ROBO2: variants seen among roughly 807,000 people sequenced by gnomAD.
ROBO2 encodes roundabout guidance receptor 2.
ROBO2 carries 53 observed loss-of-function variants against 160.8 expected under a neutral mutation model. The ratio of observed to expected loss-of-function variants is 0.33; its 90% CI spans 0.26 to 0.41. The LOEUF is 0.41. Among genes scored for constraint, ROBO2 ranks in the 10% least tolerant of loss-of-function variants. The pLI is 1.00. For synonymous variants in ROBO2, 664 were observed against 611.7 expected, an observed-to-expected ratio of 1.09 and a Z score of -1.26; for missense variants, 1,577 against 1,722.4, an observed-to-expected ratio of 0.92 and a Z score of 1.49.
chr3:75,924,834 G>C (rs892812318), intron 1 of ROBO2, among the ~76,000 whole-genome samples: 1 of 151,098 alleles, frequency 6.6e-6, no homozygotes, highest in Non-Finnish European at 1.5e-5. Flanking sequence ...GACTACAGGC[G>C]CCTGCCACCA....
intron 1 of ROBO2, among the ~76,000 whole-genome samples, chr3:77,083,018 G>T (rs1403490430): frequency 6.6e-6 from 1 of 151,994 alleles, no homozygotes. Flanking sequence ...TTTCAATATG[G>T]GCAGTTTAGA....
At chr3:76,604,444 A>G (rs1244202202) in intron 2 of ROBO2, among the ~76,000 whole-genome samples, 2 of 152,166 alleles carry the variant, frequency 1.3e-5, no homozygotes, top group African/African-American at 4.8e-5. Flanking sequence ...AGAATAAGGC[A>G]TCATAAATTT....
chr3:76,962,454 C>G (rs2079738704), intron 2 of ROBO2, among the ~76,000 whole-genome samples: 1 of 151,830 alleles, frequency 6.6e-6, no homozygotes, highest in South Asian at 2.1e-4. Context: ...GCCTGACCAA[C>G]ATGGAGAAAG....
At position 77,389,041 on chromosome 3, in the gene ROBO2, T is replaced by C. The variant is rs149509001; in HGVS notation, c.389-88373T>C. On this transcript the variant is annotated intron_variant, in intron 2 of 25. Transcript: ENST00000461745. ...CTCACCTCAACCTTCACTTACTGGGTTCAAGCGATTCTCCTGCCTCAGCCT... is the reference window on the plus strand; with the variant it reads ...CTCACCTCAACCTTCACTTACTGGGCTCAAGCGATTCTCCTGCCTCAGCCT... 3.0e-4 allele frequency among the ~76,000 whole-genome samples: 46 copies of C among 152,248 alleles called. No individual in the cohort carries two copies. In the East Asian group the frequency reaches 8.5e-3, roughly 28 times the overall value.
At chr3:77,166,858 C>G (rs966733893) in intron 2 of ROBO2, among the ~76,000 whole-genome samples, 1 of 152,166 alleles carries the variant, frequency 6.6e-6, no homozygotes, top group South Asian at 2.1e-4. Context: ...CGCGCCCGGC[C>G]GACACAGAGG....
At chr3:77,433,990 G>A (rs2079046311) in intron 2 of ROBO2, among the ~76,000 whole-genome samples, 1 of 152,088 alleles carries the variant, frequency 6.6e-6, no homozygotes, top group South Asian at 2.1e-4. Flanking sequence ...CTCCCTCGGA[G>A]TAGGAAACAG....
At chr3:76,402,057 A>G (rs2108763722) in intron 2 of ROBO2, among the ~76,000 whole-genome samples, 1 of 151,756 alleles carries the variant, frequency 6.6e-6, no homozygotes, top group East Asian at 1.9e-4. Flanking sequence ...TCTGAAAGAC[A>G]GAAAATGCTG....
chr3:76,436,767 A>G (rs1375803088), intron 2 of ROBO2, among the ~76,000 whole-genome samples: 1 of 152,192 alleles, frequency 6.6e-6, no homozygotes, highest in Non-Finnish European at 1.5e-5. Flanking sequence ...ATCATTCATG[A>G]AAGTGTCCCG....
chr3:76,401,822 T>G (rs1190650346), intron 2 of ROBO2, among the ~76,000 whole-genome samples: 1 of 151,498 alleles, frequency 6.6e-6, no homozygotes, highest in Non-Finnish European at 1.5e-5. Flanking sequence ...TCCTAAGGTA[T>G]CAGAACAAGC....
intron 2 of ROBO2, among the ~76,000 whole-genome samples, chr3:76,855,000 T>C (rs1248473782): frequency 6.6e-6 from 1 of 152,142 alleles, no homozygotes; most frequent in Non-Finnish European, 1.5e-5. Flanking sequence ...ATAAAATTGC[T>C]GAACTTCTCC....
intron 2 of ROBO2, among the ~76,000 whole-genome samples, chr3:76,190,823 T>A (rs2107175439): frequency 6.6e-6 from 1 of 152,238 alleles, no homozygotes; most frequent in Admixed American, 6.6e-5. Context: ...TATACCGAAT[T>A]TCATTCAAAT....
chr3:76,795,269 C>T (rs568387268), intron 2 of ROBO2, among the ~76,000 whole-genome samples: 1 of 152,086 alleles, frequency 6.6e-6, no homozygotes, highest in South Asian at 2.1e-4. Flanking sequence ...TAATATTAGT[C>T]CCAATGAAGC....
At chr3:77,039,934 C>T (rs1354004367) in exon 1 of ROBO2, 3 of 211,206 alleles carry the variant, frequency 1.4e-5, no homozygotes, top group Non-Finnish European at 1.6e-5. Flanking sequence ...CTCCCTTTCT[C>T]CGCCGCGCCC....
chr3:76,641,728 G>A (rs115196534), intron 2 of ROBO2, among the ~76,000 whole-genome samples: 1,774 of 152,198 alleles, frequency 0.012, 15 homozygotes, highest in Non-Finnish European at 0.02. Context: ...TTATAGTATG[G>A]TATGTAGGTT....
chr3:76,464,455 C>G, intron 2 of ROBO2, among the ~76,000 whole-genome samples: 1 of 152,066 alleles, frequency 6.6e-6, no homozygotes, highest in East Asian at 1.9e-4. Context: ...TTCTCCTAAT[C>G]CTACCCCTAA....
At position 77,083,254 on chromosome 3, in the gene ROBO2, C is replaced by T. The variant is rs577919452; in HGVS notation, c.62-14760C>T. Among the ~76,000 whole-genome samples the T allele has an allele frequency of 3.9e-5, 6 of 152,248 alleles. No individual in the cohort carries two copies. The South Asian group carries it at 1.2e-3, about 32-fold the overall frequency. The stretch of plus-strand genomic sequence containing the variant: ...TTCTGTCCAAATAAACGCTGAGCCC[C>T]AGCGTGGAGGTTCAGAGTTTTGTAC... On this transcript the variant is annotated intron_variant, in intron 1 of 25. Coordinates refer to ENST00000461745, the Ensembl canonical transcript of ROBO2.
chr3:76,589,122 G>T (rs1182519919), intron 2 of ROBO2, among the ~76,000 whole-genome samples: 1 of 152,108 alleles, frequency 6.6e-6, no homozygotes, highest in Non-Finnish European at 1.5e-5. Context: ...CAACACAAAA[G>T]AAAGGAAACT....
At chr3:77,593,884 C>G (rs2094238369) in intron 17 of ROBO2, among the ~76,000 whole-genome samples, 1 of 151,914 alleles carries the variant, frequency 6.6e-6, no homozygotes, top group South Asian at 2.1e-4. Context: ...TTATTTTCAC[C>G]TGTACTCACC....
chr3:77,642,582 A>C (rs1179629988), intron 24 of ROBO2, 89 bp from the exon 26 acceptor site: 2 of 393,672 alleles, frequency 5.1e-6, no homozygotes, highest in East Asian at 1.4e-4. Flanking sequence ...TAATACCTGT[A>C]TAAGGGCAAA....
Sources: allele counts gnomAD v4.1 joint callset (sites outside exome capture counted in the v4.1 genomes callset), GRCh38; gene constraint gnomAD v4.1.1; transcripts MANE v1.5; gene names NCBI Gene and HGNC (gene_info 2026-07-23, HGNC 2026-07-21).